CACNA1B: variants seen among roughly 807,000 people sequenced by gnomAD.
The protein encoded by CACNA1B is calcium voltage-gated channel subunit alpha1 B.
CACNA1B carries 70 observed loss-of-function variants against 247.2 expected under a neutral mutation model. The ratio of observed to expected loss-of-function variants is 0.28; its 90% CI spans 0.23 to 0.35. The LOEUF (loss-of-function observed/expected upper bound fraction) is 0.35. Among genes scored for constraint, CACNA1B ranks in the 10% least tolerant of loss-of-function variants. The pLI is 1.00. For synonymous variants in CACNA1B, 1,231 were observed against 1,294.4 expected (o/e 0.95, Z 1.05); for missense variants, 2,367 against 3,197.4 (o/e 0.74, Z 6.26).
intron 9 of CACNA1B, 34 bp downstream of exon 9, chr9:137,956,861 G>T (rs1258593624): frequency 8.8e-6 from 14 of 1,588,898 alleles, no homozygotes; most frequent in Non-Finnish European, 1.0e-5. Flanking sequence ...CTGTGTGGTG[G>T]AGTGCTCTGG....
intron 39 of CACNA1B, among the ~76,000 whole-genome samples, chr9:138,107,259 TTTATTTA>T (rs758381664): frequency 0.016 from 1,636 of 105,340 alleles, 22 homozygotes; most frequent in Middle Eastern, 0.027. Context: ...TATTTATTTA[TTTATTTA>T]TATAGGGTCT....
In CACNA1B at chr9:138,059,626, G is replaced by A; in HGVS notation, c.4585-28G>A. 1.5e-6 allele frequency: 2 copies of A among 1,351,946 alleles called. No homozygotes were observed. The highest frequency in any genetic ancestry group is 1.4e-5 in the African/African-American group (1 of 69,784). 83.7% of individuals were successfully genotyped at this position (1,351,946 alleles called of 1,614,324 possible). ...GCCAACAGAGCCCTCATCAGCCGCTGGCACTAACTGCTCTTCTTTTTCTCT... is the reference window on the plus strand; with the variant it reads ...GCCAACAGAGCCCTCATCAGCCGCTAGCACTAACTGCTCTTCTTTTTCTCT... On this transcript the variant is annotated intron_variant, in intron 30 of 46. Coordinates refer to ENST00000371372, the MANE Select transcript of CACNA1B (RefSeq NM_000718.4). The surrounding 1 kb of genome is among the most constrained non-coding windows in gnomAD (Gnocchi z 4.2).
At chr9:138,067,941 ATG>A (rs1959978337) in intron 31 of CACNA1B, among the ~76,000 whole-genome samples, 1 of 152,228 alleles carries the variant, frequency 6.6e-6, no homozygotes, top group African/African-American at 2.4e-5. Context: ...CGGTAACAGA[ATG>A]TGCCAGTTGT....
intron 26 of CACNA1B, among the ~76,000 whole-genome samples, chr9:138,056,513 T>C (rs935516319): frequency 7.2e-5 from 11 of 152,278 alleles, no homozygotes; most frequent in African/African-American, 2.4e-4. Context: ...GTGGCTGTTA[T>C]AAATGATGCT....
chr9:137,975,967 G>A lies in CACNA1B; in HGVS notation c.1604G>A (p.Gly535Asp). ...ACAGAGATGTCCCTGAAGATGTATG[G>A]CCTGGGGCCCAGAAGCTACTTCCGG... ...FLTEMSLKMY[G>D]LGPRSYFRSS... Residue 535 changes from glycine to aspartate, a missense_variant, in exon 12 of 47, where the codon GGC becomes GAC. Gly to Asp is a moderately conservative substitution (Grantham distance 94). Coordinates refer to ENST00000371372, the MANE Select transcript of CACNA1B (RefSeq NM_000718.4). The A allele has an allele frequency of 6.2e-7, 1 of 1,613,842 alleles. No homozygotes were observed. The highest frequency in any genetic ancestry group is 1.1e-5 in the South Asian group (1 of 91,060).
intron 3 of CACNA1B, among the ~76,000 whole-genome samples, chr9:137,900,040 C>T (rs1957215009): frequency 6.6e-6 from 1 of 152,174 alleles, no homozygotes; most frequent in African/African-American, 2.4e-5. Context: ...TCCCCAGTCA[C>T]CTCTGCCAGC....
chr9:138,095,976 T>C (rs62582460), intron 36 of CACNA1B, among the ~76,000 whole-genome samples: 6,168 of 151,946 alleles, frequency 0.041, 175 homozygotes, highest in Non-Finnish European at 0.065. Context: ...GATTACCCAA[T>C]GTGTATGAGG....
Position 137,952,252 on chromosome 9 carries a change from A to G in CACNA1B, c.967-22A>G. ...CTGTGTTTTGTCCCTGTCCTTCCTC[A>G]TCTCCCTCTCCTTGCTTCCAGACAA... On this transcript the variant is annotated intron_variant, in intron 6 of 46. Transcript: ENST00000371372. The surrounding 1 kb of genome is among the most constrained non-coding windows in gnomAD (Gnocchi z 4.8). The G allele has an allele frequency of 1.9e-6, 3 of 1,601,690 alleles. No individual in the cohort carries two copies. The highest frequency in any genetic ancestry group is 2.6e-6 in the Non-Finnish European group (3 of 1,169,164).
intron 39 of CACNA1B, among the ~76,000 whole-genome samples, chr9:138,111,487 CAGT>C (rs1351724287): frequency 6.6e-6 from 1 of 152,104 alleles, no homozygotes; most frequent in East Asian, 1.9e-4. Context: ...CAGAGGCTGC[CAGT>C]AGGACGAGGG....
chr9:137,920,310 C>T (rs751647846), intron 6 of CACNA1B, among the ~76,000 whole-genome samples: 1 of 152,168 alleles, frequency 6.6e-6, no homozygotes, highest in Non-Finnish European at 1.5e-5. Context: ...GATTCTCATG[C>T]CTCAGCCTCC....
At chr9:137,922,290 A>G (rs1957495706) in intron 6 of CACNA1B, among the ~76,000 whole-genome samples, 1 of 150,102 alleles carries the variant, frequency 6.7e-6, no homozygotes, top group South Asian at 2.1e-4. Context: ...ACCGCACAGC[A>G]TCCTGGGAGC....
At chr9:137,908,814 G>A (rs1282098560) in intron 3 of CACNA1B, among the ~76,000 whole-genome samples, 8 of 150,952 alleles carry the variant, frequency 5.3e-5, no homozygotes, top group African/African-American at 1.9e-4. Flanking sequence ...TGTATTTTTA[G>A]TACAGTCGGG....
intron 15 of CACNA1B, among the ~76,000 whole-genome samples, chr9:137,998,092 C>T (rs888062217): frequency 1.3e-5 from 2 of 151,994 alleles, no homozygotes; most frequent in South Asian, 4.1e-4. Context: ...ATTCAGGACA[C>T]AGTTTTCCTG....
At position 137,880,590 on chromosome 9, in the gene CACNA1B, G is replaced by A. The variant is rs759130416; in HGVS notation, c.390+1431G>A. On this transcript the variant is annotated intron_variant, in intron 2 of 46. Transcript: ENST00000371372. This position sits in a 1 kb window ranked among gnomAD's most constrained non-coding sequence, Gnocchi z 4.8. ...GTCCAGCCTTGCAAGTTCCTGCCTC[G>A]CAGGTGTGGGAGGGTTTACTTTGTG... 1.3e-5 allele frequency among the ~76,000 whole-genome samples: 2 copies of A among 152,130 alleles called. No individual in the cohort carries two copies. The highest frequency in any genetic ancestry group is 2.4e-5 in the African/African-American group (1 of 41,414).
rs1411849283 is a variant in CACNA1B at position 138,007,284 on chromosome 9, C to A, written c.2092+400C>A. Among the ~76,000 whole-genome samples the A allele has an allele frequency of 6.6e-6, 1 of 152,190 alleles. No homozygotes were observed. The highest frequency in any genetic ancestry group is 6.5e-5 in the Admixed American group (1 of 15,280). On this transcript the variant is annotated intron_variant, in intron 16 of 46. Transcript: ENST00000371372. This position sits in a 1 kb window ranked among gnomAD's most constrained non-coding sequence, Gnocchi z 4.1. ...CCCTTCCCCCTGCTGATACCATCCC[C>A]TTTGCAGAGAAATGTAAGGAAAGGT...
intron 3 of CACNA1B, among the ~76,000 whole-genome samples, chr9:137,902,406 C>G (rs1474984471): frequency 6.6e-6 from 1 of 152,162 alleles, no homozygotes; most frequent in African/African-American, 2.4e-5. Context: ...TAGGATTTTT[C>G]TAGAGCCTAA....
intron 6 of CACNA1B, among the ~76,000 whole-genome samples, chr9:137,920,364 T>G (rs1379289947): frequency 6.6e-6 from 1 of 152,136 alleles, no homozygotes; most frequent in Non-Finnish European, 1.5e-5. Context: ...ATCCAGCTAA[T>G]TTTTGTATTT....
At chr9:137,963,077 A>T (rs1209812084) in intron 10 of CACNA1B, among the ~76,000 whole-genome samples, 2 of 152,216 alleles carry the variant, frequency 1.3e-5, no homozygotes, top group Non-Finnish European at 2.9e-5. Context: ...TATTGGGTAC[A>T]TATATATTTA....
At chr9:137,911,699 G>A (rs578184781) in intron 3 of CACNA1B, among the ~76,000 whole-genome samples, 11 of 152,316 alleles carry the variant, frequency 7.2e-5, no homozygotes, top group South Asian at 4.1e-4. Flanking sequence ...GATTACAGGC[G>A]TGAACCACTG....
Sources: gnomAD v4.1 joint callset for allele counts (sites outside exome capture counted in the v4.1 genomes callset) on GRCh38, gnomAD v4.1.1 for gene constraint, Gnocchi (gnomAD v3.1) non-coding constraint, MANE v1.5 for transcripts, NCBI Gene and HGNC (gene_info 2026-07-23, HGNC 2026-07-21) for gene names.